The following CCDC172 variants were observed in gnomAD, a reference collection of about 807,000 sequenced individuals.
CCDC172 encodes the protein coiled-coil domain containing 172.
A neutral mutation model predicts 38.0 loss-of-function variants in CCDC172; 30 were observed. That is an observed-to-expected ratio of 0.79 (90% CI 0.59 to 1.07). CCDC172 has a LOEUF of 1.07. Ranked by LOEUF, CCDC172 falls within the 50% of genes least tolerant of loss-of-function variation. The pLI, the probability that CCDC172 is intolerant of heterozygous loss-of-function variation, is 0.00. For missense variants in CCDC172, 297 were observed against 290.1 expected, an observed-to-expected ratio of 1.02 and a Z score of -0.17; for synonymous variants, 78 against 88.3, an observed-to-expected ratio of 0.88 and a Z score of 0.66.
chr10:116,374,675 AAG>A, intron 7 of CCDC172, among the ~76,000 whole-genome samples: 1 of 152,156 alleles, frequency 6.6e-6, no homozygotes, highest in African/African-American at 2.4e-5. Context: ...AGCAGGTAGA[AAG>A]AGAGGGAAAG....
intron 5 of CCDC172, among the ~76,000 whole-genome samples, chr10:116,347,491 T>C (rs1303560804): frequency 1.3e-5 from 2 of 152,080 alleles, no homozygotes; most frequent in African/African-American, 4.8e-5. Context: ...TAAAATTCAT[T>C]ACATTAATAG....
At chr10:116,325,262 T>C (rs1450961826) in intron 2 of CCDC172, 41 bp from the exon 3 acceptor site, 1 of 1,576,922 alleles carries the variant, frequency 6.3e-7, no homozygotes, top group African/African-American at 1.4e-5. Flanking sequence ...ATGGGGACTT[T>C]AGAAAGATTG....
chr10:116,346,246 C>T lies in CCDC172; in HGVS notation c.448+4045C>T, dbSNP rs192656928. Among the ~76,000 whole-genome samples, 1,246 of 145,342 alleles carry T rather than the reference C, an allele frequency of 8.6e-3. 9 individuals are homozygous for T. The highest frequency in any genetic ancestry group is 0.013 in the Non-Finnish European group (903 of 67,072). ...GGCGGAGGTTGCAGTGAGCCAAGAT[C>T]GCGCCATTGCACTCCAGCCTGGGTG... is the stretch of plus-strand genomic sequence containing the variant. On this transcript the variant is annotated intron_variant, in intron 5 of 8. Coordinates refer to ENST00000333254, the MANE Select transcript of CCDC172 (RefSeq NM_198515.3).
rs1844565219 is a variant in CCDC172 at position 116,324,511 on chromosome 10, AAGAC to A, written c.-164_-161del. On this transcript the variant is annotated 5_prime_UTR_variant, in exon 1 of 9. Transcript: ENST00000333254. ...TTGTTGGCACGTACCATTTTGCTGA[AAGAC>A]AGAGCACCTTGAGGACGTTATCCCT... 1 of 153,778 alleles carries A rather than the reference AAGAC, an allele frequency of 6.5e-6. No homozygotes were observed. The highest frequency in any genetic ancestry group is 1.4e-5 in the Non-Finnish European group (1 of 69,232). The allele number at this position is 153,778 out of a possible 1,614,324, so 9.5% of individuals were successfully genotyped here.
chr10:116,355,377 A>T lies in CCDC172; in HGVS notation c.449-2003A>T, dbSNP rs558372340. 2.0e-5 allele frequency among the ~76,000 whole-genome samples: 3 copies of T among 152,344 alleles called. No homozygotes were observed. The East Asian group carries it at 5.8e-4, about 29-fold the overall frequency. ...TTGTAACCTATGAGCAATAGGCTAT[A>T]CAGTATAGCCTATGTGTGTAGTAGG... On this transcript the variant is annotated intron_variant, in intron 5 of 8. Coordinates refer to ENST00000333254, the MANE Select transcript of CCDC172 (RefSeq NM_198515.3).
rs1844783350 is a variant in CCDC172, at chr10:116,340,801, A to G, written c.233A>G (p.Lys78Arg). The change falls in exon 4 of 9, where the codon AAA becomes AGA. Residue 78 changes from lysine (K) to arginine (R), a missense_variant. By Grantham distance (26) the Lys-to-Arg change is conservative (BLOSUM62 2). Transcript: ENST00000333254. Reference sequence around the variant, plus strand: ...AAAGCTCATGAAAATGCTTTAGAAAAACAGTACAGTGAAATTACAAACCAT... The same window carrying G: ...AAAGCTCATGAAAATGCTTTAGAAAGACAGTACAGTGAAATTACAAACCAT... The part of the protein sequence containing the change: ...LLKAHENALE[K>R]QYSEITNHRN... 1.2e-6 allele frequency: 2 copies of G among 1,605,862 alleles called. No homozygotes were observed. Among genetic ancestry groups the G allele is most frequent in the Non-Finnish European group, 8.5e-7 (1 of 1,174,898 alleles).
chr10:116,336,099 G>A (rs1409926357), intron 3 of CCDC172, among the ~76,000 whole-genome samples: 1 of 151,856 alleles, frequency 6.6e-6, no homozygotes, highest in Non-Finnish European at 1.5e-5. Context: ...TCCGCGAGGC[G>A]GAGGTTGCAG....
chr10:116,329,338 G>GTGTGAA (rs150139717), intron 3 of CCDC172, among the ~76,000 whole-genome samples: 16,175 of 152,086 alleles, frequency 0.11, 1,006 homozygotes, highest in East Asian at 0.21. Context: ...TTTGTAATGG[G>GTGTGAA]CTGTTTTTTC....
At chr10:116,340,435 G>A (rs1026389390) in intron 3 of CCDC172, among the ~76,000 whole-genome samples, 3 of 151,754 alleles carry the variant, frequency 2.0e-5, no homozygotes, top group East Asian at 1.9e-4. Flanking sequence ...TTCAAAAAGC[G>A]TTAGTACCTA....
chr10:116,358,090 G>A, intron 7 of CCDC172, 152 bp downstream of exon 7: 1 of 561,674 alleles, frequency 1.8e-6, no homozygotes. Context: ...TGCTAATAAG[G>A]AAACACTTCA....
intron 5 of CCDC172, among the ~76,000 whole-genome samples, chr10:116,355,509 G>A (rs1376521650): frequency 6.6e-6 from 1 of 152,022 alleles, no homozygotes; most frequent in African/African-American, 2.4e-5. Flanking sequence ...AACAACACAT[G>A]GCTGTACATG....
chr10:116,348,506 G>GT (rs1170088736), intron 5 of CCDC172, among the ~76,000 whole-genome samples: 1 of 151,990 alleles, frequency 6.6e-6, no homozygotes, highest in Non-Finnish European at 1.5e-5. Context: ...GCTACTCAGT[G>GT]TTTTTTTCCC....
In CCDC172 at chr10:116,373,719, G is replaced by A. The variant is rs373654452; in HGVS notation, c.654-4704G>A. ...GGGGTTTCCCCATGTTGGCCAGGTC[G>A]GTCTTGAACTCCTGGCTTCAAGTGA... On this transcript the variant is annotated intron_variant, in intron 7 of 8. Coordinates refer to ENST00000333254, the MANE Select transcript of CCDC172 (RefSeq NM_198515.3). Among the ~76,000 whole-genome samples the A allele has an allele frequency of 8.5e-5, 13 of 152,126 alleles. No homozygotes were observed. In the South Asian group the frequency reaches 2.1e-3, roughly 24 times the overall value.
chr10:116,336,546 T>G (rs902327318), intron 3 of CCDC172, among the ~76,000 whole-genome samples: 2 of 152,054 alleles, frequency 1.3e-5, no homozygotes, highest in African/African-American at 4.8e-5. Flanking sequence ...ACAAAAACCT[T>G]AATATCTGCT....
intron 7 of CCDC172, among the ~76,000 whole-genome samples, chr10:116,366,679 A>G (rs1027150114): frequency 7.2e-5 from 11 of 152,326 alleles, no homozygotes; most frequent in Middle Eastern, 3.4e-3. Context: ...TCCAGGATAG[A>G]TGCCTGTTGG....
At chr10:116,369,183 CAAGTGTTCTTT>C (rs1018584483) in intron 7 of CCDC172, among the ~76,000 whole-genome samples, 19 of 151,964 alleles carry the variant, frequency 1.3e-4, no homozygotes, top group African/African-American at 4.6e-4. Flanking sequence ...GTGTTTAACT[CAAGTGTTCTTT>C]TCGTCTAACT....
chr10:116,366,181 A>G (rs1565722960), intron 7 of CCDC172, among the ~76,000 whole-genome samples: 1 of 152,186 alleles, frequency 6.6e-6, no homozygotes, highest in Non-Finnish European at 1.5e-5. Context: ...TGAACTAAAT[A>G]TGAGCTAAAT....
intron 7 of CCDC172, among the ~76,000 whole-genome samples, chr10:116,371,169 T>C (rs1314520221): frequency 2.6e-5 from 4 of 151,820 alleles, no homozygotes; most frequent in Non-Finnish European, 5.9e-5. Context: ...TATGCTTACT[T>C]TGGGATTGAC....
intron 7 of CCDC172, among the ~76,000 whole-genome samples, chr10:116,370,090 AT>A (rs1303704881): frequency 6.6e-6 from 1 of 151,802 alleles, no homozygotes; most frequent in African/African-American, 2.4e-5. Flanking sequence ...TTTATATATT[AT>A]GGAGATTAAT....
Sources: allele counts gnomAD v4.1 joint callset (sites outside exome capture counted in the v4.1 genomes callset), GRCh38; gene constraint gnomAD v4.1.1; transcripts MANE v1.5; gene names NCBI Gene and HGNC (gene_info 2026-07-23, HGNC 2026-07-21).